DACH2: variants seen among roughly 807,000 people sequenced by gnomAD.
DACH2 encodes the protein dachshund family transcription factor 2, also known as dachshund homolog 2.
A neutral mutation model predicts 35.8 loss-of-function variants in DACH2; 17 were observed. That is an observed-to-expected ratio of 0.48 (90% CI 0.33 to 0.71). DACH2 has a LOEUF of 0.71. Among genes scored for constraint, DACH2 ranks in the 30% least tolerant of loss-of-function variants. DACH2 has a pLI of 0.02. For missense variants in DACH2, 469 were observed against 472.7 expected, an observed-to-expected ratio of 0.99 and a Z score of 0.07; for synonymous variants, 195 against 177.3, an observed-to-expected ratio of 1.10 and a Z score of -0.79.
chrX:86,630,923 C>G (rs1196263863), intron 3 of DACH2, among the ~76,000 whole-genome samples: 1 of 111,630 alleles, frequency 9.0e-6, no homozygotes, highest in Non-Finnish European at 1.9e-5. Context: ...TTTGGTGAGG[C>G]AAGTGGAACT....
chrX:86,645,126 G>A (rs1162874059), intron 3 of DACH2, among the ~76,000 whole-genome samples: 1 of 110,862 alleles, frequency 9.0e-6, no homozygotes, highest in Non-Finnish European at 1.9e-5. Context: ...AGAGTAAACA[G>A]ACAACTTACA....
intron 2 of DACH2, among the ~76,000 whole-genome samples, chrX:86,466,518 C>T (rs2037671264): frequency 9.0e-6 from 1 of 111,327 alleles, no homozygotes; most frequent in Non-Finnish European, 1.9e-5. Flanking sequence ...TCCCAACAGT[C>T]CCCCAAAGTC....
chrX:86,427,786 A>G (rs2036918791), intron 2 of DACH2, among the ~76,000 whole-genome samples: 1 of 112,179 alleles, frequency 8.9e-6, no homozygotes, highest in Non-Finnish European at 1.9e-5. Flanking sequence ...TAAAACAACT[A>G]AAGTCAAAGA....
chrX:86,270,230 C>A (rs921132218), intron 1 of DACH2, among the ~76,000 whole-genome samples: 2 of 108,862 alleles, frequency 1.8e-5, no homozygotes, highest in African/African-American at 6.7e-5. Flanking sequence ...GATATCAGAA[C>A]CTAGTTCTTC....
At chrX:86,338,244 C>T (rs2035351984) in intron 1 of DACH2, among the ~76,000 whole-genome samples, 1 of 111,665 alleles carries the variant, frequency 9.0e-6, no homozygotes, top group Non-Finnish European at 1.9e-5. Context: ...ACTCTCCACC[C>T]CAAATCAATA....
chrX:86,450,203 T>C (rs1421079325), intron 2 of DACH2, among the ~76,000 whole-genome samples: 1 of 110,797 alleles, frequency 9.0e-6, no homozygotes, highest in Non-Finnish European at 1.9e-5. Context: ...CATTAGCTGT[T>C]CTTCCTGATC....
At chrX:86,407,346 G>A (rs990209027) in intron 2 of DACH2, among the ~76,000 whole-genome samples, 1 of 111,533 alleles carries the variant, frequency 9.0e-6, no homozygotes, top group African/African-American at 3.3e-5. Flanking sequence ...ACTTTTTTAT[G>A]AGAAGATATA....
intron 2 of DACH2, among the ~76,000 whole-genome samples, chrX:86,392,657 A>G (rs997965717): frequency 3.6e-5 from 4 of 111,722 alleles, no homozygotes; most frequent in Non-Finnish European, 7.5e-5. Context: ...GGAATACTAA[A>G]GAACACTTTC....
intron 2 of DACH2, among the ~76,000 whole-genome samples, chrX:86,435,502 CTT>C (rs2037053115): frequency 9.0e-6 from 1 of 111,679 alleles, no homozygotes; most frequent in South Asian, 3.7e-4. Flanking sequence ...GCAAATGTGA[CTT>C]AAAAATATTA....
chrX:86,313,622 C>T lies in DACH2; in HGVS notation c.489-63202C>T, dbSNP rs369665668. 3.2e-4 allele frequency among the ~76,000 whole-genome samples: 36 copies of T among 111,848 alleles called. No homozygotes were observed. The East Asian group carries it at 4.2e-3, about 13-fold the overall frequency. ...CTGAAGGCAATTACAGACCTGCATC[C>T]TAGGGTTATTATTAGAATTAAATGA... On this transcript the variant is annotated intron_variant, in intron 1 of 11. Coordinates refer to ENST00000373125, the MANE Select transcript of DACH2 (RefSeq NM_053281.3).
chrX:86,376,741 C>G, intron 1 of DACH2, 83 bp from the exon 2 acceptor site: 6 of 1,075,937 alleles, frequency 5.6e-6, no homozygotes, highest in East Asian at 3.5e-5. Context: ...TATAATAAAG[C>G]CTTGCTTAAT....
At chrX:86,160,992 C>A in intron 1 of DACH2, 1 of 903,817 alleles carries the variant, frequency 1.1e-6, no homozygotes, top group Non-Finnish European at 1.6e-6. Context: ...ACTGGCATTG[C>A]CATCTTTACA....
At chrX:86,771,331 A>G (rs1031829181) in intron 7 of DACH2, among the ~76,000 whole-genome samples, 5 of 112,741 alleles carry the variant, frequency 4.4e-5, no homozygotes, top group African/African-American at 1.6e-4. Flanking sequence ...AAATATATAA[A>G]TAGACACTAA....
intron 5 of DACH2, among the ~76,000 whole-genome samples, chrX:86,699,181 A>G (rs1229943318): frequency 1.8e-5 from 2 of 111,808 alleles, no homozygotes; most frequent in Admixed American, 9.5e-5. Context: ...GTGAACAAGG[A>G]CTTAAACTGA....
chrX:86,163,308 C>T (rs2030830302), intron 1 of DACH2, among the ~76,000 whole-genome samples: 1 of 111,412 alleles, frequency 9.0e-6, no homozygotes, highest in African/African-American at 3.3e-5. Flanking sequence ...TGTGTGTCTT[C>T]CTGTGCCTGG....
chrX:86,745,069 C>G (rs1195171365), intron 7 of DACH2, among the ~76,000 whole-genome samples: 1 of 111,115 alleles, frequency 9.0e-6, no homozygotes, highest in Non-Finnish European at 1.9e-5. Context: ...ATGCCCCAAG[C>G]ACTCTGATTA....
At chrX:86,238,652 C>T (rs764031391) in intron 1 of DACH2, among the ~76,000 whole-genome samples, 1 of 110,917 alleles carries the variant, frequency 9.0e-6, no homozygotes, top group South Asian at 3.8e-4. Flanking sequence ...CTCTGCCTCT[C>T]TCTGATTGTT....
chrX:86,773,756 T>C (rs1170205691), intron 7 of DACH2, among the ~76,000 whole-genome samples: 2 of 111,666 alleles, frequency 1.8e-5, no homozygotes, highest in African/African-American at 6.5e-5. Context: ...AAATTCGCAA[T>C]CCATCTTTAC....
At chrX:86,526,851 T>C (rs77927152) in intron 3 of DACH2, among the ~76,000 whole-genome samples, 5,162 of 37,135 alleles carry the variant, frequency 0.14, 110 homozygotes, top group Middle Eastern at 0.27. Context: ...ACTTAATTTA[T>C]TTTTTTTTCT....
Sources: gnomAD v4.1 joint callset for allele counts (sites outside exome capture counted in the v4.1 genomes callset) on GRCh38, gnomAD v4.1.1 for gene constraint, MANE v1.5 for transcripts, NCBI Gene and HGNC (gene_info 2026-07-23, HGNC 2026-07-21) for gene names.